ANXA4: variants seen among roughly 807,000 people sequenced by gnomAD.
The protein encoded by ANXA4 is annexin A4.
A neutral mutation model predicts 49.8 loss-of-function variants in ANXA4; 39 were observed. That is an observed-to-expected ratio of 0.78 (90% confidence interval 0.61 to 1.02). ANXA4 has a LOEUF of 1.02. Among genes scored for constraint, ANXA4 ranks in the 50% least tolerant of loss-of-function variants. ANXA4 has a pLI of 0.00. For synonymous variants in ANXA4, 134 were observed against 152.5 expected (o/e 0.88, Z 0.89); for missense variants, 360 against 410.1 (o/e 0.88, Z 1.05).
At chr2:69,798,464 G>A (rs888456365) in intron 3 of ANXA4, among the ~76,000 whole-genome samples, 2 of 152,206 alleles carry the variant, frequency 1.3e-5, no homozygotes, top group Non-Finnish European at 2.9e-5. Flanking sequence ...TCAGAGGCTG[G>A]GGTCAGTCCA....
At chr2:69,820,668 GTA>G (rs538546138) in intron 11 of ANXA4, 29 bp from the exon 12 acceptor site, 5 of 1,611,712 alleles carry the variant, frequency 3.1e-6, no homozygotes, top group Non-Finnish European at 3.4e-6. Context: ...CTAGGTTTTT[GTA>G]TATGTTTGGA....
At chr2:69,680,453 A>T (rs1381916719) in intron 2 of ANXA4, among the ~76,000 whole-genome samples, 1 of 151,816 alleles carries the variant, frequency 6.6e-6, no homozygotes, top group Non-Finnish European at 1.5e-5. Flanking sequence ...TGCAAAGGGG[A>T]ACAATTTGAC....
chr2:69,758,643 G>A (rs1671153792), intron 1 of ANXA4, among the ~76,000 whole-genome samples: 1 of 151,868 alleles, frequency 6.6e-6, no homozygotes, highest in Non-Finnish European at 1.5e-5. Context: ...AAAATGATAA[G>A]GCAAGTTAAT....
chr2:69,792,585 G>GT (rs36012410), intron 3 of ANXA4, among the ~76,000 whole-genome samples: 50 of 150,456 alleles, frequency 3.3e-4, no homozygotes, highest in Middle Eastern at 3.4e-3. Context: ...TACACGCAGT[G>GT]TTTTTTTTTG....
rs144805368 is a variant in ANXA4, at chr2:69,725,317, T to C, written n.864+4446T>C. On this transcript the variant is annotated intron_variant and non_coding_transcript_variant, in intron 3 of 3. Coordinates refer to the ANXA4 transcript ENST00000418066. The stretch of plus-strand genomic sequence containing the variant: ...GGCATCATTTATATATTTAAATGTA[T>C]ATAAATGATGCCCCAAATAAATATA... 3.5e-3 allele frequency among the ~76,000 whole-genome samples: 529 copies of C among 150,472 alleles called. 13 individuals carry two copies. In the East Asian group the frequency reaches 0.074, roughly 21 times the overall value.
Position 69,757,262 on chromosome 2 carries a change from ATATATTTTTTTTTTTTTT to A in ANXA4, c.-47+15089_-47+15106del, listed in dbSNP as rs1157287982. 1.1e-3 allele frequency among the ~76,000 whole-genome samples: 57 copies of A among 50,250 alleles called. 1 individual carries two copies. The highest frequency in any genetic ancestry group is 5.5e-3 in the African/African-American group (54 of 9,846). 33.0% of individuals were successfully genotyped at this position (50,250 alleles called of 152,430 possible). On this transcript the variant is annotated intron_variant, in intron 1 of 12. Coordinates refer to ENST00000394295, the MANE Select transcript of ANXA4 (RefSeq NM_001153.5). Reference sequence around the variant, plus strand: ...TTTATATATATATATATATATATATATATATTTTTTTTTTTTTTTTTTTTTTTAGGTGGAGTCTCGCTG... The same window carrying A: ...TTTATATATATATATATATATATATATTTTTTTTTAGGTGGAGTCTCGCTG...
At chr2:69,741,920 C>G (rs1035865922), upstream of ANXA4, 1 of 152,242 alleles carries the variant, frequency 6.6e-6, no homozygotes, top group South Asian at 2.1e-4. Context: ...GGAGCAGGCA[C>G]GTGTGGAGGG....
rs1318399431 is a variant in ANXA4, at chr2:69,826,870, C to T, written c.*1355C>T. 1 of 151,670 alleles carries T rather than the reference C, an allele frequency of 6.6e-6. No individual in the cohort carries two copies. The highest frequency in any genetic ancestry group is 1.5e-5 in the Non-Finnish European group (1 of 67,982). 9.4% of individuals were successfully genotyped at this position (151,670 alleles called of 1,614,324 possible). ...CTTCTGAGGTTTTTCATCTTGGCCCCTGAAAGGAGCTATTTTTGAAGGACT... is the reference window on the plus strand; with the variant it reads ...CTTCTGAGGTTTTTCATCTTGGCCCTTGAAAGGAGCTATTTTTGAAGGACT... On this transcript the variant is annotated 3_prime_UTR_variant, in exon 13 of 13. Coordinates refer to ENST00000394295, the MANE Select transcript of ANXA4 (RefSeq NM_001153.5).
At chr2:69,688,100 A>C (rs1677853171) in intron 2 of ANXA4, among the ~76,000 whole-genome samples, 1 of 152,188 alleles carries the variant, frequency 6.6e-6, no homozygotes, top group Non-Finnish European at 1.5e-5. Context: ...ACACATCGCC[A>C]TGGTTAGATG....
At chr2:69,740,893 C>T (rs1354462957), upstream of ANXA4, among the ~76,000 whole-genome samples, 3 of 142,532 alleles carry the variant, frequency 2.1e-5, no homozygotes, top group Non-Finnish European at 4.5e-5. Context: ...GATTTCACCA[C>T]ATTGGCCAGG....
At chr2:69,796,690 T>C (rs1672958016) in intron 3 of ANXA4, among the ~76,000 whole-genome samples, 1 of 152,160 alleles carries the variant, frequency 6.6e-6, no homozygotes, top group African/African-American at 2.4e-5. Flanking sequence ...GAAGTGAAGC[T>C]GGGGCAGTGG....
chr2:69,801,216 C>T (rs1673178979), intron 3 of ANXA4, among the ~76,000 whole-genome samples: 1 of 152,156 alleles, frequency 6.6e-6, no homozygotes. Flanking sequence ...GCCTGGCCCC[C>T]AGGTAGCCCT....
chr2:69,705,339 G>A (rs1211303997), intron 2 of ANXA4, among the ~76,000 whole-genome samples: 1 of 152,052 alleles, frequency 6.6e-6, no homozygotes, highest in African/African-American at 2.4e-5. Flanking sequence ...TATCTAATGG[G>A]TCGTGGGATT....
chr2:69,753,582 A>G (rs939618423), intron 1 of ANXA4, among the ~76,000 whole-genome samples: 1 of 152,224 alleles, frequency 6.6e-6, no homozygotes, highest in Non-Finnish European at 1.5e-5. Context: ...GCCAGGAGAA[A>G]GGGGGAATTT....
At chr2:69,823,266 T>TAC (rs1276000571) in intron 12 of ANXA4, among the ~76,000 whole-genome samples, 9 of 150,834 alleles carry the variant, frequency 6.0e-5, no homozygotes, top group Non-Finnish European at 1.3e-4. Context: ...TATGTGTGTA[T>TAC]ACACACACAC....
intron 2 of ANXA4, among the ~76,000 whole-genome samples, chr2:69,664,173 C>T (rs1414267060): frequency 6.6e-6 from 1 of 152,186 alleles, no homozygotes; most frequent in Admixed American, 6.5e-5. Flanking sequence ...TAACTTCCAA[C>T]ATAGATTCTC....
chr2:69,778,775 C>CA (rs58688910), intron 1 of ANXA4, among the ~76,000 whole-genome samples: 1,114 of 36,478 alleles, frequency 0.031, 91 homozygotes, highest in Non-Finnish European at 0.037. Context: ...AACTCTGTCT[C>CA]AAAAAAAAAA....
chr2:69,792,875 T>C (rs1376907125), intron 3 of ANXA4, among the ~76,000 whole-genome samples: 2 of 151,342 alleles, frequency 1.3e-5, no homozygotes, highest in Non-Finnish European at 3.0e-5. Context: ...TTCAGCATAG[T>C]TAGGGGCTTG....
At position 69,825,823 on chromosome 2, in the gene ANXA4, A is replaced by AAATTATTCC; in HGVS notation, c.*310_*318dup. 1 of 216,306 alleles carries AAATTATTCC rather than the reference A, an allele frequency of 4.6e-6. No homozygotes were observed. Among genetic ancestry groups the AAATTATTCC allele is most frequent in the Non-Finnish European group, 9.0e-6 (1 of 111,002 alleles). The allele number at this position is 216,306 out of a possible 1,614,324, so 13.4% of individuals were successfully genotyped here. A position where few individuals can be genotyped will look rare whatever the true frequency, so the allele number is the denominator to read the frequency against. On this transcript the variant is annotated 3_prime_UTR_variant, in exon 13 of 13. Transcript: ENST00000394295. ...GTGTTTCACAGACATTGAATATATT[A>AAATTATTCC]AATTATTCCATATTTTCTTTTCAGT... is the stretch of plus-strand genomic sequence containing the variant.
Sources: gnomAD v4.1 joint callset for allele counts (sites outside exome capture counted in the v4.1 genomes callset) on GRCh38, gnomAD v4.1.1 for gene constraint, MANE v1.5 for transcripts, NCBI Gene and HGNC (gene_info 2026-07-23, HGNC 2026-07-21) for gene names.